EXT2: variants seen among roughly 807,000 people sequenced by gnomAD.
The protein encoded by EXT2 is exostosin glycosyltransferase 2.
A neutral mutation model predicts 81.6 loss-of-function variants in EXT2; 53 were observed. The observed-to-expected ratio is 0.65, with a 90% confidence interval of 0.52 to 0.82. The LOEUF (loss-of-function observed/expected upper bound fraction) is 0.82, where lower values mean the gene tolerates loss of function less well. EXT2 is among the 40% of genes least tolerant of loss of function. EXT2 has a pLI of 0.00. For missense variants in EXT2, 774 were observed against 910.2 expected, an observed-to-expected ratio of 0.85 and a Z score of 1.93; for synonymous variants, 320 against 340.0, an observed-to-expected ratio of 0.94 and a Z score of 0.65.
At chr11:44,150,641 G>C (rs1954780293) in intron 7 of EXT2, among the ~76,000 whole-genome samples, 1 of 152,206 alleles carries the variant, frequency 6.6e-6, no homozygotes, top group Non-Finnish European at 1.5e-5. Context: ...GTCTCTACTA[G>C]TCAAAGCACG....
Position 44,119,169 on chromosome 11 carries a change from T to TACACACAC in EXT2, c.743+4873_743+4874insCACACACA, listed in dbSNP as rs1555004305. Among the ~76,000 whole-genome samples the TACACACAC allele has an allele frequency of 1.9e-3, 118 of 63,106 alleles. 3 individuals carry two copies. Among genetic ancestry groups the TACACACAC allele is most frequent in the African/African-American group, 6.7e-3 (112 of 16,812 alleles). 41.4% of individuals were successfully genotyped at this position (63,106 alleles called of 152,430 possible). A position where few individuals can be genotyped will look rare whatever the true frequency, so the allele number is the denominator to read the frequency against. ...ATATATATATATATATATATATATA[T>TACACACAC]ACACATACACACACACACACACACA... is the stretch of plus-strand genomic sequence containing the variant. On this transcript the variant is annotated intron_variant, in intron 4 of 13. Transcript: ENST00000533608.
At chr11:44,122,496 C>G (rs1326703857) in intron 4 of EXT2, among the ~76,000 whole-genome samples, 1 of 152,160 alleles carries the variant, frequency 6.6e-6, no homozygotes, top group African/African-American at 2.4e-5. Context: ...AAAATTAATA[C>G]TTTTACAAAA....
intron 10 of EXT2, among the ~76,000 whole-genome samples, chr11:44,216,324 C>T (rs914949676): frequency 6.6e-6 from 1 of 152,122 alleles, no homozygotes; most frequent in African/African-American, 2.4e-5. Flanking sequence ...GAAGTACAGG[C>T]AGATCTGTAA....
chr11:44,132,532 G>C (rs1375830491), intron 7 of EXT2, among the ~76,000 whole-genome samples: 2 of 152,116 alleles, frequency 1.3e-5, no homozygotes, highest in South Asian at 2.1e-4. Context: ...TGAAATGAAG[G>C]GGTTGGCTAA....
intron 10 of EXT2, among the ~76,000 whole-genome samples, chr11:44,215,667 A>C (rs945866972): frequency 6.6e-6 from 1 of 152,238 alleles, no homozygotes; most frequent in Non-Finnish European, 1.5e-5. Flanking sequence ...TGAAATAAGC[A>C]TCTCTATTTC....
rs2134965666 is a variant in EXT2, at chr11:44,107,831, C to T, written c.119C>T (p.Thr40Ile). ...FSIVLLGLIA[T>I]GMFQFWPHSI... ...ATTGTCCTCCTGGGCCTCATTGCCA[C>T]TGGCATGTTTCAGTTTTGGCCCCAT... Residue 40 changes from threonine (T) to isoleucine (I), a missense_variant, in exon 2 of 14, where the codon ACT (threonine) becomes ATT (isoleucine). Physicochemically the swap from Thr to Ile is moderately conservative, Grantham distance 89 (BLOSUM62 -1). Coordinates refer to ENST00000533608, the MANE Select transcript of EXT2 (RefSeq NM_207122.2). 6.2e-7 allele frequency: 1 copy of T among 1,614,168 alleles called. No individual in the cohort carries two copies. The highest frequency in any genetic ancestry group is 8.5e-7 in the Non-Finnish European group (1 of 1,180,032).
At chr11:44,164,052 C>A (rs957764534) in intron 7 of EXT2, among the ~76,000 whole-genome samples, 5 of 151,916 alleles carry the variant, frequency 3.3e-5, no homozygotes, top group African/African-American at 1.2e-4. Flanking sequence ...ACTCTTTTTT[C>A]TTTTTGTGTT....
intron 1 of EXT2, among the ~76,000 whole-genome samples, chr11:44,103,248 TTATATA>T (rs1003345769): frequency 1.8e-4 from 28 of 151,882 alleles, no homozygotes; most frequent in Non-Finnish European, 3.4e-4. Context: ...AGCATTTTCT[TTATATA>T]TATATATGTT....
chr11:44,166,380 T>C (rs1201495666), intron 7 of EXT2, among the ~76,000 whole-genome samples: 1 of 152,166 alleles, frequency 6.6e-6, no homozygotes, highest in Non-Finnish European at 1.5e-5. Flanking sequence ...ATTGAGATTG[T>C]AGTGAATAGG....
chr11:44,110,261 T>A (rs1268322113), intron 3 of EXT2, among the ~76,000 whole-genome samples: 1 of 152,264 alleles, frequency 6.6e-6, no homozygotes, highest in Non-Finnish European at 1.5e-5. Flanking sequence ...AGATTAAATC[T>A]AAACCTTCTT....
chr11:44,122,800 C>T (rs1335827815), intron 4 of EXT2, among the ~76,000 whole-genome samples: 2 of 152,144 alleles, frequency 1.3e-5, no homozygotes, highest in African/African-American at 4.8e-5. Context: ...ACGTGGTCAA[C>T]GTTTGTGCTG....
intron 8 of EXT2, among the ~76,000 whole-genome samples, chr11:44,181,345 G>A (rs1487134722): frequency 6.6e-6 from 1 of 152,104 alleles, no homozygotes; most frequent in Non-Finnish European, 1.5e-5. Flanking sequence ...GATACGCCCT[G>A]ACGTGGGTGT....
At chr11:44,121,013 C>T (rs142289056) in intron 4 of EXT2, among the ~76,000 whole-genome samples, 4 of 152,212 alleles carry the variant, frequency 2.6e-5, no homozygotes, top group African/African-American at 4.8e-5. Context: ...TGAGCATACT[C>T]CTTCAACCAT....
intron 6 of EXT2, among the ~76,000 whole-genome samples, chr11:44,127,265 C>T (rs1261167048): frequency 6.6e-6 from 1 of 152,114 alleles, no homozygotes; most frequent in African/African-American, 2.4e-5. Context: ...GGATGACATA[C>T]AGGGCTTAAA....
At chr11:44,204,871 A>C (rs1955564241) in intron 9 of EXT2, among the ~76,000 whole-genome samples, 1 of 152,150 alleles carries the variant, frequency 6.6e-6, no homozygotes, top group African/African-American at 2.4e-5. Flanking sequence ...TGACTGTTAT[A>C]ATGTATTCAT....
At chr11:44,146,309 G>A (rs1954716617) in intron 7 of EXT2, among the ~76,000 whole-genome samples, 2 of 152,168 alleles carry the variant, frequency 1.3e-5, no homozygotes, top group South Asian at 4.1e-4. Context: ...GTGTCAACAT[G>A]TGAATTTGGG....
intron 7 of EXT2, among the ~76,000 whole-genome samples, chr11:44,168,169 T>G (rs1230645243): frequency 6.6e-6 from 1 of 151,844 alleles, no homozygotes; most frequent in Non-Finnish European, 1.5e-5. Flanking sequence ...ATGGAAATTC[T>G]GGAACTGAAA....
rs1303517001 is a variant in EXT2, at chr11:44,236,391, A to C, written c.2018+16A>C. ...TGGTGGAGAGGTAAGTGAGCCTCCA[A>C]CCAAAAGTGCGCCTTAGCCTCTGAT... On this transcript the variant is annotated intron_variant, in intron 13 of 13. Coordinates refer to ENST00000533608, the MANE Select transcript of EXT2 (RefSeq NM_207122.2). The C allele has an allele frequency of 6.2e-7, 1 of 1,612,448 alleles. No individual in the cohort carries two copies. Among genetic ancestry groups the C allele is most frequent in the African/African-American group, 1.3e-5 (1 of 74,874 alleles).
intron 8 of EXT2, among the ~76,000 whole-genome samples, chr11:44,187,017 C>G (rs1001160983): frequency 2.6e-4 from 37 of 142,664 alleles, no homozygotes; most frequent in Non-Finnish European, 5.0e-4. Flanking sequence ...TTCCTTCCTT[C>G]CTTCCTTCCT....
Sources: gnomAD v4.1 joint callset for allele counts (sites outside exome capture counted in the v4.1 genomes callset) on GRCh38, gnomAD v4.1.1 for gene constraint, MANE v1.5 for transcripts, NCBI Gene and HGNC (gene_info 2026-07-23, HGNC 2026-07-21) for gene names.